MRPL22: variants seen among roughly 807,000 people sequenced by gnomAD.
MRPL22 encodes large ribosomal subunit protein uL22m.
A neutral mutation model predicts 32.4 loss-of-function variants in MRPL22; 27 were observed. That is an observed-to-expected ratio of 0.83 (90% CI 0.61 to 1.15). MRPL22 has a LOEUF of 1.15. Ranked by LOEUF, MRPL22 falls within the 50% of genes most tolerant of loss-of-function variation. The probability of loss-of-function intolerance (pLI) is 0.00; values close to 1 mark genes in which losing one functional copy is unlikely to be tolerated. For missense variants in MRPL22, 239 were observed against 260.2 expected (o/e 0.92, Z 0.56); for synonymous variants, 86 against 87.3 (o/e 0.99, Z 0.08).
chr5:154,959,353 G>A (rs1054699553), intron 5 of MRPL22, among the ~76,000 whole-genome samples: 9 of 151,974 alleles, frequency 5.9e-5, no homozygotes, highest in South Asian at 4.1e-4. Context: ...CATGAACTTC[G>A]TGTTTGTTTT....
intron 2 of MRPL22, among the ~76,000 whole-genome samples, chr5:154,947,836 G>A (rs1764512439): frequency 6.6e-6 from 1 of 152,202 alleles, no homozygotes; most frequent in African/African-American, 2.4e-5. Context: ...ATCATGATCA[G>A]ATAAGGGATT....
At chr5:154,949,768 G>A (rs1249113800) in intron 2 of MRPL22, among the ~76,000 whole-genome samples, 4 of 152,096 alleles carry the variant, frequency 2.6e-5, no homozygotes, top group Admixed American at 2.6e-4. Flanking sequence ...GTTAAAGTGT[G>A]GGGGAAGAGG....
Position 154,957,155 on chromosome 5 carries a change from C to G in MRPL22, c.282C>G (p.Asp94Glu). 6.2e-7 allele frequency: 1 copy of G among 1,613,158 alleles called. No homozygotes were observed. The highest frequency in any genetic ancestry group is 8.5e-7 in the Non-Finnish European group (1 of 1,179,376). The change falls in exon 5 of 7, where the codon GAC becomes GAG. Residue 94 changes from aspartate (D) to glutamate (E), a missense_variant. Asp to Glu is a conservative substitution (Grantham distance 45). Coordinates refer to ENST00000523037, the MANE Select transcript of MRPL22 (RefSeq NM_014180.4). ...TCTAGATACGAGGAATGTCTATTGA[C>G]CAGGCTTTGGCTCAGTTGGAATTCA... ...LAKLIRGMSI[D>E]QALAQLEFND...
chr5:154,966,908 C>A lies in MRPL22; in HGVS notation c.*11C>A. 1 of 1,602,170 alleles carries A rather than the reference C, an allele frequency of 6.2e-7. No individual in the cohort carries two copies. The highest frequency in any genetic ancestry group is 1.1e-5 in the South Asian group (1 of 90,062). ...GTTCACACTCTATGATGAGGAGATT[C>A]AGACTCCACAGTGTATATATTTTGC... On this transcript the variant is annotated 3_prime_UTR_variant, in exon 7 of 7. Transcript: ENST00000523037.
intron 5 of MRPL22, among the ~76,000 whole-genome samples, chr5:154,958,002 C>T (rs903772653): frequency 2.0e-5 from 3 of 150,374 alleles, no homozygotes; most frequent in Non-Finnish European, 4.4e-5. Flanking sequence ...CTGCAGTCTC[C>T]GCCTCCTGCG....
chr5:154,958,538 CT>C (rs201113350), intron 5 of MRPL22, among the ~76,000 whole-genome samples: 4,289 of 83,414 alleles, frequency 0.051, 83 homozygotes, highest in East Asian at 0.27. Context: ...TGACAATTGT[CT>C]TTTTTTTTTT....
At chr5:154,956,833 T>C (rs1764636694) in intron 4 of MRPL22, 1 of 361,850 alleles carries the variant, frequency 2.8e-6, no homozygotes, top group African/African-American at 2.1e-5. Flanking sequence ...ATTTATCCTA[T>C]AGGAGAAGGA....
At chr5:154,951,044 A>C in intron 3 of MRPL22, 106 bp downstream of exon 3, 2 of 710,546 alleles carry the variant, frequency 2.8e-6, no homozygotes, top group Non-Finnish European at 4.8e-6. Flanking sequence ...ACAACCATTC[A>C]CTCTAATTGA....
intron 2 of MRPL22, among the ~76,000 whole-genome samples, chr5:154,941,867 C>T (rs980271554): frequency 2.0e-5 from 3 of 152,158 alleles, no homozygotes; most frequent in Non-Finnish European, 4.4e-5. Flanking sequence ...CTGTATTTCT[C>T]CCCAAAATAA....
chr5:154,962,687 T>C (rs545045948), intron 6 of MRPL22, among the ~76,000 whole-genome samples: 13 of 152,282 alleles, frequency 8.5e-5, no homozygotes, highest in East Asian at 7.7e-4. Flanking sequence ...TTCAAACTTA[T>C]AGTGATGACT....
intron 2 of MRPL22, among the ~76,000 whole-genome samples, chr5:154,947,978 G>T (rs1274397203): frequency 6.6e-6 from 1 of 152,184 alleles, no homozygotes; most frequent in Non-Finnish European, 1.5e-5. Flanking sequence ...CATCTATGTG[G>T]CTAGGCTATA....
chr5:154,953,844 G>A (rs929477130), intron 3 of MRPL22, among the ~76,000 whole-genome samples: 3 of 149,314 alleles, frequency 2.0e-5, no homozygotes, highest in African/African-American at 7.4e-5. Flanking sequence ...GTGCCACCAC[G>A]CCCGGCTAAT....
In MRPL22 at chr5:154,956,401, T is replaced by C; in HGVS notation, c.226T>C (p.Tyr76His). 1 of 1,610,708 alleles carries C rather than the reference T, an allele frequency of 6.2e-7. No individual in the cohort carries two copies. Among genetic ancestry groups the C allele is most frequent in the Non-Finnish European group, 8.5e-7 (1 of 1,177,508 alleles). Residue 76 changes from tyrosine to histidine, a missense_variant, in exon 4 of 7, where the codon TAT becomes CAT. By Grantham distance (83) the Tyr-to-His change is moderately conservative. Coordinates refer to ENST00000523037, the MANE Select transcript of MRPL22 (RefSeq NM_014180.4). ...EIYHCRRQIK[Y>H]SKDKMWYLAK... is the part of the protein sequence containing the mutation. The stretch of plus-strand genomic sequence containing the variant: ...CTACCACTGTCGAAGACAAATAAAA[T>C]ATAGCAAAGACAAGATGTGGTATTT...
intron 6 of MRPL22, among the ~76,000 whole-genome samples, chr5:154,960,555 C>T (rs1379280508): frequency 6.6e-6 from 1 of 152,162 alleles, no homozygotes. Flanking sequence ...GCTCAGATGA[C>T]CCAGATGTGT....
intron 6 of MRPL22, among the ~76,000 whole-genome samples, chr5:154,962,399 T>C (rs1764716814): frequency 6.6e-6 from 1 of 152,186 alleles, no homozygotes; most frequent in South Asian, 2.1e-4. Flanking sequence ...CCATAAAATA[T>C]GGGAAACTGA....
At chr5:154,965,560 G>A (rs572385946) in intron 6 of MRPL22, among the ~76,000 whole-genome samples, 5 of 151,980 alleles carry the variant, frequency 3.3e-5, no homozygotes, top group Non-Finnish European at 7.4e-5. Context: ...AAGTAGCTAG[G>A]ATTACAGGTG....
intron 2 of MRPL22, 30 bp from the exon 3 acceptor site, chr5:154,950,789 CTG>C: frequency 1.4e-6 from 2 of 1,423,510 alleles, no homozygotes; most frequent in South Asian, 1.2e-5. Flanking sequence ...CCCTAAGTGT[CTG>C]TTGTTTTATA....
intron 6 of MRPL22, among the ~76,000 whole-genome samples, chr5:154,963,634 C>T (rs532283913): frequency 6.6e-6 from 1 of 152,264 alleles, no homozygotes; most frequent in East Asian, 1.9e-4. Context: ...AAAATTATTT[C>T]TGTTTCTATG....
rs144045300 is a variant in MRPL22 at position 154,966,477 on chromosome 5, C to T, written c.410-209C>T. ...GCTTGGAGGCAGGGGCCTTGCCAGTCTTGTGCACTCTTACTTCTCCAACAC... is the reference window on the plus strand; with the variant it reads ...GCTTGGAGGCAGGGGCCTTGCCAGTTTTGTGCACTCTTACTTCTCCAACAC... On this transcript the variant is annotated intron_variant, in intron 6 of 6. Coordinates refer to ENST00000523037, the MANE Select transcript of MRPL22 (RefSeq NM_014180.4). 7.9e-5 allele frequency among the ~76,000 whole-genome samples: 12 copies of T among 152,300 alleles called. No individual in the cohort carries two copies. The East Asian group carries it at 2.1e-3, about 27-fold the overall frequency.
Sources: allele counts gnomAD v4.1 joint callset (sites outside exome capture counted in the v4.1 genomes callset), GRCh38; gene constraint gnomAD v4.1.1; transcripts MANE v1.5; gene names NCBI Gene and HGNC (gene_info 2026-07-23, HGNC 2026-07-21).